Variants in ATP10B observed in about 807,000 individuals in gnomAD.
The protein encoded by ATP10B is phospholipid-transporting ATPase VB.
ATP10B carries 122 observed loss-of-function variants against 141.2 expected under a neutral mutation model. That is an observed-to-expected ratio of 0.86 (90% CI 0.75 to 1.00). ATP10B has a LOEUF of 1.00. Among genes scored for constraint, ATP10B ranks in the 50% least tolerant of loss-of-function variants. The pLI, the probability that ATP10B is intolerant of heterozygous loss-of-function variation, is 0.00. For missense variants in ATP10B, 1,876 were observed against 1,825.3 expected (o/e 1.03, Z -0.51); for synonymous variants, 685 against 692.0 (o/e 0.99, Z 0.16).
intron 18 of ATP10B, among the ~76,000 whole-genome samples, chr5:160,611,646 A>G (rs1262281171): frequency 6.6e-6 from 1 of 152,238 alleles, no homozygotes; most frequent in African/African-American, 2.4e-5. Context: ...AAAGAGGTGT[A>G]TATTGTTGCT....
upstream of ATP10B, among the ~76,000 whole-genome samples, chr5:160,856,026 A>AT (rs1020229706): frequency 9.9e-5 from 15 of 150,862 alleles, no homozygotes; most frequent in Non-Finnish European, 1.5e-4. Flanking sequence ...CTTCCACTTT[A>AT]TTTTTTTTCA....
At chr5:160,778,142 C>G (rs1242405279) in intron 2 of ATP10B, among the ~76,000 whole-genome samples, 1 of 152,252 alleles carries the variant, frequency 6.6e-6, no homozygotes, top group South Asian at 2.1e-4. Context: ...ATTAAACATG[C>G]TTTTTACCAT....
chr5:160,623,753 G>A (rs1211491451), intron 13 of ATP10B, among the ~76,000 whole-genome samples: 8 of 152,114 alleles, frequency 5.3e-5, no homozygotes, highest in African/African-American at 1.7e-4. Flanking sequence ...CTTCTCTCAG[G>A]CAGTGAGATC....
intron 2 of ATP10B, among the ~76,000 whole-genome samples, chr5:160,734,579 A>G (rs1001367055): frequency 6.6e-6 from 1 of 152,028 alleles, no homozygotes; most frequent in Non-Finnish European, 1.5e-5. Flanking sequence ...CAACCACTGA[A>G]AAAAATGTGA....
At chr5:160,819,648 T>C (rs1282926977) in intron 1 of ATP10B, among the ~76,000 whole-genome samples, 1 of 152,132 alleles carries the variant, frequency 6.6e-6, no homozygotes, top group Non-Finnish European at 1.5e-5. Flanking sequence ...CAGTAGAAGA[T>C]ATAAATAGAA....
At chr5:160,627,376 T>A (rs1410013951) in intron 13 of ATP10B, among the ~76,000 whole-genome samples, 3 of 152,242 alleles carry the variant, frequency 2.0e-5, no homozygotes, top group Non-Finnish European at 4.4e-5. Context: ...TTAGACTTTA[T>A]GTCCCTAGTC....
At position 160,564,728 on chromosome 5, in the gene ATP10B, GGTCT is replaced by G. The variant is rs1320648343; in HGVS notation, c.*721_*724del. The G allele has an allele frequency of 7.2e-5, 11 of 152,166 alleles. No individual in the cohort carries two copies. Among genetic ancestry groups the G allele is most frequent in the Admixed American group, 3.3e-4 (5 of 15,276 alleles). The allele number at this position is 152,166 out of a possible 1,614,324, so 9.4% of individuals were successfully genotyped here. A position where few individuals can be genotyped will look rare whatever the true frequency, so the allele number is the denominator to read the frequency against. On this transcript the variant is annotated 3_prime_UTR_variant, in exon 26 of 26. Transcript: ENST00000327245. ...AGATTCCCCAGCTGGTGGGACATAT[GGTCT>G]GTCAGCCAAAACAGGGGTCTCTGGT...
At chr5:160,899,303 A>T in the ATP10B span, among the ~76,000 whole-genome samples, 1 of 152,164 alleles carries the variant, frequency 6.6e-6, no homozygotes, top group African/African-American at 2.4e-5. Flanking sequence ...ATGAAATGAT[A>T]GGGACATAAT....
At chr5:160,841,811 GCCTC>G in intron 1 of ATP10B, among the ~76,000 whole-genome samples, 1 of 152,108 alleles carries the variant, frequency 6.6e-6, no homozygotes, top group Admixed American at 6.5e-5. Flanking sequence ...TGCAGCATCT[GCCTC>G]CTGGGCACAA....
chr5:160,641,174 A>C (rs375013855), intron 9 of ATP10B, among the ~76,000 whole-genome samples: 5 of 152,330 alleles, frequency 3.3e-5, no homozygotes, highest in East Asian at 3.9e-4. Context: ...GCTCAGGGAA[A>C]GCTGCTCCAA....
At chr5:160,625,576 C>G (rs1196990189) in intron 13 of ATP10B, among the ~76,000 whole-genome samples, 1 of 152,194 alleles carries the variant, frequency 6.6e-6, no homozygotes, top group Non-Finnish European at 1.5e-5. Context: ...AGATCACACA[C>G]TGATTTAGGG....
At chr5:160,760,655 G>T (rs777103037) in intron 2 of ATP10B, among the ~76,000 whole-genome samples, 2 of 152,202 alleles carry the variant, frequency 1.3e-5, no homozygotes, top group African/African-American at 2.4e-5. Context: ...CAGCTGCTTG[G>T]ATACAAACTT....
At chr5:160,859,081 A>G in the ATP10B span, among the ~76,000 whole-genome samples, 4 of 151,940 alleles carry the variant, frequency 2.6e-5, no homozygotes, top group Non-Finnish European at 4.4e-5. Context: ...AACTTCTCTT[A>G]GCCTTCTTTT....
At chr5:160,901,953 G>A in the ATP10B span, among the ~76,000 whole-genome samples, 1 of 152,124 alleles carries the variant, frequency 6.6e-6, no homozygotes, top group African/African-American at 2.4e-5. Context: ...CTGCTGTTGA[G>A]TAAAATAAAG....
intron 9 of ATP10B, among the ~76,000 whole-genome samples, chr5:160,642,376 C>T (rs1759935183): frequency 1.3e-5 from 2 of 152,270 alleles, no homozygotes; most frequent in Non-Finnish European, 1.5e-5. Context: ...CTCACCTTGG[C>T]CTTTTTGGGC....
chr5:160,804,858 C>T (rs762010515), intron 1 of ATP10B, among the ~76,000 whole-genome samples: 2 of 152,148 alleles, frequency 1.3e-5, no homozygotes, highest in African/African-American at 2.4e-5. Context: ...TACAGCTGTC[C>T]CTGCATATAT....
chr5:160,581,219 C>G (rs1363056161), intron 24 of ATP10B, among the ~76,000 whole-genome samples: 1 of 152,098 alleles, frequency 6.6e-6, no homozygotes, highest in Non-Finnish European at 1.5e-5. Flanking sequence ...TCTTGCTTCT[C>G]TAGTTCTTTT....
At chr5:160,727,526 C>T (rs1325468721) in intron 2 of ATP10B, among the ~76,000 whole-genome samples, 2 of 152,162 alleles carry the variant, frequency 1.3e-5, no homozygotes, top group African/African-American at 4.8e-5. Flanking sequence ...TCTCTAAGCC[C>T]TTGGAATGTT....
intron 18 of ATP10B, among the ~76,000 whole-genome samples, chr5:160,607,707 G>A (rs778965087): frequency 3.3e-5 from 5 of 152,072 alleles, no homozygotes; most frequent in East Asian, 1.9e-4. Context: ...TGGTTTGAAC[G>A]GACTACGGTT....
Sources: gnomAD v4.1 joint callset for allele counts (sites outside exome capture counted in the v4.1 genomes callset) on GRCh38, gnomAD v4.1.1 for gene constraint, MANE v1.5 for transcripts, NCBI Gene and HGNC (gene_info 2026-07-23, HGNC 2026-07-21) for gene names.